Variants in POLDIP3 observed in about 807,000 individuals in gnomAD.
POLDIP3 encodes DNA polymerase delta interacting protein 3.
Under a neutral mutation model 45.1 loss-of-function variants are expected in POLDIP3, and 14 were observed. That is an observed-to-expected ratio of 0.31 (90% CI 0.20 to 0.49). The LOEUF (loss-of-function observed/expected upper bound fraction) is 0.49, where lower values mean the gene tolerates loss of function less well. Ranked by LOEUF, POLDIP3 falls within the 20% of genes least tolerant of loss-of-function variation. The probability of loss-of-function intolerance (pLI) is 0.99; values close to 1 mark genes in which losing one functional copy is unlikely to be tolerated. For missense variants in POLDIP3, 511 were observed against 538.8 expected (o/e 0.95, Z 0.51); for synonymous variants, 223 against 205.2 (o/e 1.09, Z -0.74).
chr22:42,601,869 C>G, intron 3 of POLDIP3, 101 bp downstream of exon 3: 1 of 1,391,254 alleles, frequency 7.2e-7, no homozygotes, highest in Non-Finnish European at 9.8e-7. Flanking sequence ...GAGCAAGCCT[C>G]AGTCCATCCA....
chr22:42,613,565 G>C (rs940815372), intron 1 of POLDIP3, among the ~76,000 whole-genome samples: 1 of 152,168 alleles, frequency 6.6e-6, no homozygotes, highest in African/African-American at 2.4e-5. Context: ...TTCGAAACCA[G>C]CCTGACCAAC....
chr22:42,606,207 TCA>T (rs1485607188), intron 1 of POLDIP3, among the ~76,000 whole-genome samples: 1 of 151,086 alleles, frequency 6.6e-6, no homozygotes, highest in African/African-American at 2.4e-5. Context: ...TGACAATTTT[TCA>T]CACAGACTTT....
chr22:42,614,697 G>T (rs1169403248), intron 1 of POLDIP3, 102 bp downstream of exon 1: 1 of 1,322,234 alleles, frequency 7.6e-7, no homozygotes, highest in Non-Finnish European at 1.1e-6. Context: ...TCGGGGGCGG[G>T]CGCACCCGGT....
At chr22:42,595,298 G>C (rs1201084686) in intron 6 of POLDIP3, among the ~76,000 whole-genome samples, 2 of 152,246 alleles carry the variant, frequency 1.3e-5, no homozygotes, top group Non-Finnish European at 2.9e-5. Flanking sequence ...GTTGCACCCA[G>C]CATCCTGTGC....
At chr22:42,604,397 G>A (rs2146826803) in intron 1 of POLDIP3, among the ~76,000 whole-genome samples, 1 of 152,262 alleles carries the variant, frequency 6.6e-6, no homozygotes, top group East Asian at 1.9e-4. Context: ...TAAATACAGA[G>A]CTGTCCAGAT....
chr22:42,614,637 G>A (rs1686704925), intron 1 of POLDIP3, among the ~76,000 whole-genome samples, 162 bp downstream of exon 1: 2 of 152,140 alleles, frequency 1.3e-5, no homozygotes, highest in Non-Finnish European at 1.5e-5. Context: ...CGGGCGGTCG[G>A]GGCCACGGCG....
chr22:42,592,383 T>C (rs181112979), intron 6 of POLDIP3, among the ~76,000 whole-genome samples: 10 of 152,364 alleles, frequency 6.6e-5, no homozygotes, highest in East Asian at 3.9e-4. Flanking sequence ...AAAACAGTTA[T>C]GAAAATTTTC....
rs867263678 is a variant in POLDIP3, at chr22:42,593,449, T to C, written c.892-1365A>G. Among the ~76,000 whole-genome samples, 8 of 152,176 alleles carry C rather than the reference T, an allele frequency of 5.3e-5. No individual in the cohort carries two copies. In the South Asian group the frequency reaches 1.4e-3, roughly 28 times the overall value. On this transcript the variant is annotated intron_variant, in intron 6 of 8. Coordinates refer to ENST00000252115, the MANE Select transcript of POLDIP3 (RefSeq NM_032311.5). ...TCCACCATTATGTATCTTCCAAGAG[T>C]CTGCCTAAAGTGACTGGCACATAGC... is the stretch of plus-strand genomic sequence containing the variant.
rs986229246 is a variant in POLDIP3, at chr22:42,614,065, A to G, written c.59+734T>C. Among the ~76,000 whole-genome samples the G allele has an allele frequency of 2.6e-5, 4 of 152,274 alleles. 1 individual carries two copies. In the South Asian group the frequency reaches 8.3e-4, roughly 32 times the overall value. On this transcript the variant is annotated intron_variant, in intron 1 of 8. Transcript: ENST00000252115. The stretch of plus-strand genomic sequence containing the variant: ...AAGGAAATAACCAATCTCCTGCCCA[A>G]CACACCAGTTTTTCAAGCCCATGTA...
chr22:42,610,966 G>A (rs1182440057), intron 1 of POLDIP3, among the ~76,000 whole-genome samples: 5 of 152,140 alleles, frequency 3.3e-5, no homozygotes, highest in African/African-American at 4.8e-5. Context: ...GGTACCTAAT[G>A]CTATCCTGAG....
In POLDIP3 at chr22:42,610,671, G is replaced by C. The variant is rs1484999546; in HGVS notation, c.59+4128C>G. Among the ~76,000 whole-genome samples, 5 of 152,210 alleles carry C rather than the reference G, an allele frequency of 3.3e-5. No individual in the cohort carries two copies. In the East Asian group the frequency reaches 9.6e-4, roughly 29 times the overall value. On this transcript the variant is annotated intron_variant, in intron 1 of 8. Transcript: ENST00000252115. ...TAACCCCAGCACTTTGTGAGGCAGA[G>C]GCAGGAGGACTGCTTGAGTCCAGGA... is the stretch of plus-strand genomic sequence containing the variant.
At chr22:42,602,200 T>C (rs765668021) in intron 2 of POLDIP3, 144 bp from the exon 3 acceptor site, 53 of 1,278,924 alleles carry the variant, frequency 4.1e-5, no homozygotes, top group Non-Finnish European at 5.6e-5. Context: ...TCCTCCACAG[T>C]AGGAAGTAAC....
chr22:42,601,979 C>G lies in POLDIP3; in HGVS notation c.528G>C (p.Gln176His). The G allele has an allele frequency of 1.2e-6, 2 of 1,613,960 alleles. No homozygotes were observed. The highest frequency in any genetic ancestry group is 1.7e-6 in the Non-Finnish European group (2 of 1,179,934). Residue 176 changes from glutamine to histidine, a missense_variant, in exon 3 of 9, where the codon CAG becomes CAC. Physicochemically the swap from Gln to His is conservative, Grantham distance 24. Coordinates refer to ENST00000252115, the MANE Select transcript of POLDIP3 (RefSeq NM_032311.5). ...CACTCACTCACTCTACCTGTTTGGCCTGGTGGTTATTGACAACATTGATTC... is the reference window on the plus strand; with the variant it reads ...CACTCACTCACTCTACCTGTTTGGCGTGGTGGTTATTGACAACATTGATTC... ...GMRINVVNNH[Q>H]AKQNLYDLDE...
intron 7 of POLDIP3, among the ~76,000 whole-genome samples, chr22:42,587,929 G>A (rs1217490492): frequency 5.3e-5 from 8 of 152,310 alleles, no homozygotes; most frequent in East Asian, 3.9e-4. Context: ...AAAGCATTAT[G>A]TACAGGCTTC....
chr22:42,594,069 G>A (rs934224348), intron 6 of POLDIP3, among the ~76,000 whole-genome samples: 3 of 152,124 alleles, frequency 2.0e-5, no homozygotes, highest in East Asian at 1.9e-4. Context: ...AGACCAACAC[G>A]GCCAACATGG....
intron 1 of POLDIP3, among the ~76,000 whole-genome samples, chr22:42,604,998 A>G (rs774821840): frequency 1.3e-4 from 20 of 152,234 alleles, no homozygotes; most frequent in Non-Finnish European, 2.1e-4. Flanking sequence ...CCCTTCCACC[A>G]TGTCAGGACT....
chr22:42,610,471 C>A (rs758089183), intron 1 of POLDIP3, among the ~76,000 whole-genome samples: 3 of 152,192 alleles, frequency 2.0e-5, no homozygotes, highest in Non-Finnish European at 4.4e-5. Context: ...TGCTCAACTC[C>A]AGCCTCCAGC....
intron 1 of POLDIP3, 36 bp downstream of exon 1, chr22:42,614,763 G>A (rs775758888): frequency 9.3e-6 from 15 of 1,611,682 alleles, no homozygotes; most frequent in East Asian, 2.2e-5. Context: ...ACTAGGCCGA[G>A]GACCCTAAAC....
At chr22:42,597,734 G>T (rs1276623696) in intron 4 of POLDIP3, 2 of 470,476 alleles carry the variant, frequency 4.3e-6, no homozygotes, top group Admixed American at 2.4e-5. Flanking sequence ...GAAAGGCCTG[G>T]TCCCTTTGTA....
Sources: gnomAD v4.1 joint callset for allele counts (sites outside exome capture counted in the v4.1 genomes callset) on GRCh38, gnomAD v4.1.1 for gene constraint, MANE v1.5 for transcripts, NCBI Gene and HGNC (gene_info 2026-07-23, HGNC 2026-07-21) for gene names.